Variants in ZBBX observed in about 807,000 individuals in gnomAD.
ZBBX encodes the protein zinc finger B-box domain containing, also known as zinc finger B-box domain-containing protein 1.
A neutral mutation model predicts 108.5 loss-of-function variants in ZBBX; 101 were observed. The observed-to-expected ratio is 0.93, with a 90% CI of 0.79 to 1.10. The LOEUF (loss-of-function observed/expected upper bound fraction) is 1.10. Among genes scored for constraint, ZBBX ranks in the 50% least tolerant of loss-of-function variants. The pLI, the probability that ZBBX is intolerant of heterozygous loss-of-function variation, is 0.00. For synonymous variants in ZBBX, 356 were observed against 323.4 expected, an observed-to-expected ratio of 1.10 and a Z score of -1.08; for missense variants, 1,009 against 941.4, an observed-to-expected ratio of 1.07 and a Z score of -0.94.
chr3:167,198,252 C>T, the ZBBX span, among the ~76,000 whole-genome samples: 1 of 151,654 alleles, frequency 6.6e-6, no homozygotes, highest in Non-Finnish European at 1.5e-5. Flanking sequence ...CCTATGCTTT[C>T]CTTTTTGGTT....
chr3:167,268,376 C>T (rs915726154), intron 20 of ZBBX, among the ~76,000 whole-genome samples: 14 of 151,594 alleles, frequency 9.2e-5, no homozygotes, highest in Non-Finnish European at 1.6e-4. Flanking sequence ...AATTTGGGAG[C>T]GTGAACACCC....
At chr3:167,193,939 G>A in the ZBBX span, among the ~76,000 whole-genome samples, 4 of 152,086 alleles carry the variant, frequency 2.6e-5, no homozygotes, top group Non-Finnish European at 4.4e-5. Context: ...TCTCATGGAA[G>A]TAGAGAATAG....
Position 167,298,315 on chromosome 3 carries a change from A to G in ZBBX, c.1869T>C (p.Ile623=). ...RLECNNSSTR[I]TLAEDREWIP... is the part of the protein sequence containing the mutation. ...GAGCTAGAAATTTACCTGCAAGTGT[A>G]ATCCTAGTACTGGAATTGTTGCATT... Residue 623 remains isoleucine (I), a synonymous_variant, in exon 18 of 22, where the codon ATT becomes ATC. Coordinates refer to ENST00000675490, the MANE Select transcript of ZBBX (RefSeq NM_001199201.2). 1 of 1,591,628 alleles carries G rather than the reference A, an allele frequency of 6.3e-7. No individual in the cohort carries two copies. The highest frequency in any genetic ancestry group is 1.2e-5 in the South Asian group (1 of 84,958).
chr3:167,221,268 C>T, the ZBBX span, among the ~76,000 whole-genome samples: 1 of 93,024 alleles, frequency 1.1e-5, no homozygotes, highest in African/African-American at 4.5e-5. Flanking sequence ...TCAAGTTATA[C>T]TACAGAGCTG....
chr3:167,283,301 T>C (rs938938019), intron 19 of ZBBX, among the ~76,000 whole-genome samples: 7 of 152,140 alleles, frequency 4.6e-5, no homozygotes, highest in African/African-American at 7.2e-5. Flanking sequence ...TCACAAAATA[T>C]TACTTAATAA....
At chr3:167,347,685 C>T (rs1478832281) in intron 9 of ZBBX, among the ~76,000 whole-genome samples, 1 of 151,966 alleles carries the variant, frequency 6.6e-6, no homozygotes, top group Non-Finnish European at 1.5e-5. Context: ...AGAATAACAT[C>T]ATTATAGGTT....
At chr3:167,185,870 A>T in the ZBBX span, among the ~76,000 whole-genome samples, 1 of 152,242 alleles carries the variant, frequency 6.6e-6, no homozygotes. Flanking sequence ...TAATTGACTT[A>T]GCCTTTCCTC....
the ZBBX span, among the ~76,000 whole-genome samples, chr3:167,183,463 G>A: frequency 6.6e-5 from 10 of 152,190 alleles, no homozygotes; most frequent in Admixed American, 1.3e-4. Context: ...ACCCAGCGGC[G>A]CTAGAGGAAT....
intron 17 of ZBBX, among the ~76,000 whole-genome samples, chr3:167,304,311 T>A (rs1385711276): frequency 6.6e-6 from 1 of 152,170 alleles, no homozygotes; most frequent in Non-Finnish European, 1.5e-5. Context: ...CCTCACTTAT[T>A]ACACAGCTCA....
Position 167,240,591 on chromosome 3 carries a change from T to C in ZBBX, c.*202A>G, listed in dbSNP as rs1720503766. On this transcript the variant is annotated 3_prime_UTR_variant, in exon 22 of 22. Transcript: ENST00000675490. ...TTACTAACATAATCTGCAATATAGA[T>C]TAGTGGTTGACATATAATATATCAT... 1 of 461,248 alleles carries C rather than the reference T, an allele frequency of 2.2e-6. No homozygotes were observed. Among genetic ancestry groups the C allele is most frequent in the Middle Eastern group, 6.3e-4 (1 of 1,586 alleles). The allele number at this position is 461,248 out of a possible 1,614,324, so 28.6% of individuals were successfully genotyped here.
intron 6 of ZBBX, among the ~76,000 whole-genome samples, chr3:167,364,186 C>T (rs79676928): frequency 4.4e-5 from 6 of 137,512 alleles, no homozygotes; most frequent in Non-Finnish European, 8.0e-5. Context: ...ATATCTTTAG[C>T]AAAAAAAAAA....
At chr3:167,297,528 A>G (rs887572326) in intron 18 of ZBBX, among the ~76,000 whole-genome samples, 1 of 152,038 alleles carries the variant, frequency 6.6e-6, no homozygotes, top group Non-Finnish European at 1.5e-5. Context: ...AAAAGTAGAC[A>G]AATTGGACTT....
intron 9 of ZBBX, among the ~76,000 whole-genome samples, chr3:167,338,085 A>G (rs1314983747): frequency 6.6e-6 from 1 of 152,180 alleles, no homozygotes; most frequent in Non-Finnish European, 1.5e-5. Context: ...ATAGTAAATC[A>G]TATATCTCAC....
intron 9 of ZBBX, among the ~76,000 whole-genome samples, chr3:167,345,741 G>A (rs1027281962): frequency 4.6e-5 from 7 of 151,694 alleles, no homozygotes; most frequent in Non-Finnish European, 1.0e-4. Flanking sequence ...AACCAAGAAA[G>A]AGCCCATATA....
At chr3:167,268,429 C>T (rs1052171330) in intron 20 of ZBBX, among the ~76,000 whole-genome samples, 8 of 151,806 alleles carry the variant, frequency 5.3e-5, no homozygotes, top group Non-Finnish European at 4.4e-5. Flanking sequence ...AGCTTCCTGG[C>T]CAAGACCCCT....
In ZBBX at chr3:167,272,926, C is replaced by T. The variant is rs536548456; in HGVS notation, c.2254+9312G>A. On this transcript the variant is annotated intron_variant, in intron 20 of 21. Transcript: ENST00000675490. ...TCGTTTTACTAAGGAGAGCACCTCC[C>T]CCAGTTGCCAGTGTAACCAATGTAA... Among the ~76,000 whole-genome samples, 24 of 152,256 alleles carry T rather than the reference C, an allele frequency of 1.6e-4. No homozygotes were observed. The South Asian group carries it at 5.0e-3, about 32-fold the overall frequency.
At chr3:167,266,817 G>T (rs945852235) in intron 20 of ZBBX, among the ~76,000 whole-genome samples, 1 of 152,130 alleles carries the variant, frequency 6.6e-6, no homozygotes, top group Non-Finnish European at 1.5e-5. Context: ...ACAATTTGGT[G>T]GCTCGTATGG....
intron 20 of ZBBX, among the ~76,000 whole-genome samples, chr3:167,277,957 A>C (rs934824494): frequency 2.0e-5 from 3 of 150,180 alleles, no homozygotes; most frequent in African/African-American, 7.4e-5. Context: ...ACTCAAAACC[A>C]CTCAACTACA....
At chr3:167,308,037 T>C (rs1042880418) in intron 16 of ZBBX, among the ~76,000 whole-genome samples, 8 of 152,128 alleles carry the variant, frequency 5.3e-5, no homozygotes, top group Non-Finnish European at 1.0e-4. Flanking sequence ...AACTACAGAA[T>C]GGGGGAAAAC....
Sources: allele counts gnomAD v4.1 joint callset (sites outside exome capture counted in the v4.1 genomes callset), GRCh38; gene constraint gnomAD v4.1.1; transcripts MANE v1.5; gene names NCBI Gene and HGNC (gene_info 2026-07-23, HGNC 2026-07-21).